The following ZNF678 variants were observed in gnomAD, a reference collection of about 807,000 sequenced individuals.
ZNF678 encodes hypothetical protein MGC42493.
A neutral mutation model predicts 3.0 loss-of-function variants in ZNF678; 5 were observed. The ratio of observed to expected loss-of-function variants is 1.69; its 90% CI spans 0.88 to 3.56. The LOEUF is 3.56. Ranked by LOEUF, ZNF678 falls within the 30% of genes most tolerant of loss-of-function variation. The pLI is 0.00. For synonymous variants in ZNF678, 218 were observed against 199.6 expected, an observed-to-expected ratio of 1.09 and a Z score of -0.78; for missense variants, 593 against 605.0, an observed-to-expected ratio of 0.98 and a Z score of 0.21.
intron 1 of ZNF678, among the ~76,000 whole-genome samples, chr1:227,564,969 C>G (rs1454821124): frequency 6.6e-6 from 1 of 151,228 alleles, no homozygotes; most frequent in African/African-American, 2.4e-5. Flanking sequence ...CTCCTGACCT[C>G]GTGATCCCCC....
chr1:227,645,405 T>G (rs1230622172), intron 1 of ZNF678, among the ~76,000 whole-genome samples: 1 of 152,226 alleles, frequency 6.6e-6, no homozygotes, highest in Non-Finnish European at 1.5e-5. Context: ...ATTTATATAT[T>G]TGTAATGTTT....
chr1:227,563,606 A>G lies in ZNF678; in HGVS notation c.-282A>G, dbSNP rs991146744. ...TTTGGTCCCGTATTCTCGGCTATTT[A>G]TCCCCAGCTGCGGGAGGCCCTGGTG... is the stretch of plus-strand genomic sequence containing the variant. On this transcript the variant is annotated 5_prime_UTR_variant, in exon 1 of 4. Transcript: ENST00000343776. 63 of 1,106,576 alleles carry G rather than the reference A, an allele frequency of 5.7e-5. No individual in the cohort carries two copies. Among genetic ancestry groups the G allele is most frequent in the Non-Finnish European group, 7.4e-5 (60 of 807,590 alleles). 68.5% of individuals were successfully genotyped at this position (1,106,576 alleles called of 1,614,324 possible). A position where few individuals can be genotyped will look rare whatever the true frequency, so the allele number is the denominator to read the frequency against.
intron 1 of ZNF678, among the ~76,000 whole-genome samples, chr1:227,565,877 C>T (rs57158394): frequency 0.22 from 32,887 of 152,216 alleles, 4,050 homozygotes; most frequent in African/African-American, 0.33. Flanking sequence ...CTGCCTCAGC[C>T]TCCCGAGTAG....
intron 1 of ZNF678, among the ~76,000 whole-genome samples, chr1:227,615,741 T>C (rs967874810): frequency 2.6e-5 from 4 of 152,226 alleles, no homozygotes; most frequent in Non-Finnish European, 2.9e-5. Context: ...CACTGACAAT[T>C]TCCATCACAG....
At chr1:227,669,020 G>GC (rs1227374592) in intron 5 of ZNF678, among the ~76,000 whole-genome samples, 1 of 151,626 alleles carries the variant, frequency 6.6e-6, no homozygotes, top group Admixed American at 6.6e-5. Flanking sequence ...TTAAGACCAA[G>GC]CCCCCAAAAG....
intron 1 of ZNF678, among the ~76,000 whole-genome samples, chr1:227,565,483 A>G (rs529194566): frequency 6.6e-5 from 10 of 152,088 alleles, no homozygotes; most frequent in African/African-American, 2.2e-4. Context: ...CAGCCTCCTG[A>G]GTGGCTAGGC....
At chr1:227,623,620 T>C (rs1020700628) in intron 1 of ZNF678, among the ~76,000 whole-genome samples, 1 of 152,244 alleles carries the variant, frequency 6.6e-6, no homozygotes, top group African/African-American at 2.4e-5. Flanking sequence ...TTTTGAGTTA[T>C]GTTCAATATT....
chr1:227,633,838 G>A (rs577931494), intron 1 of ZNF678, among the ~76,000 whole-genome samples: 26 of 152,246 alleles, frequency 1.7e-4, no homozygotes, highest in African/African-American at 6.3e-4. Flanking sequence ...GCTGAACTGG[G>A]CCCAGAGCCA....
intron 2 of ZNF678, among the ~76,000 whole-genome samples, chr1:227,649,552 G>A (rs995031633): frequency 3.9e-5 from 6 of 152,196 alleles, no homozygotes; most frequent in African/African-American, 1.2e-4. Flanking sequence ...GTTTCACCAT[G>A]TTGGCCAGGC....
chr1:227,637,677 G>A (rs1658714167), intron 1 of ZNF678, among the ~76,000 whole-genome samples: 1 of 152,206 alleles, frequency 6.6e-6, no homozygotes, highest in African/African-American at 2.4e-5. Flanking sequence ...GTAATAGGCT[G>A]TGCAGGTTTT....
chr1:227,590,321 C>T (rs3010183), intron 1 of ZNF678, among the ~76,000 whole-genome samples: 68,503 of 151,344 alleles, frequency 0.45, 16,897 homozygotes, highest in African/African-American at 0.61. Flanking sequence ...TTTCTACAGA[C>T]TTCTCTTTCA....
At chr1:227,633,920 C>T (rs1658613063) in intron 1 of ZNF678, among the ~76,000 whole-genome samples, 1 of 152,226 alleles carries the variant, frequency 6.6e-6, no homozygotes, top group Non-Finnish European at 1.5e-5. Flanking sequence ...CATCACCCCT[C>T]CCCTAACCCC....
At chr1:227,635,655 A>G (rs933014093) in intron 1 of ZNF678, among the ~76,000 whole-genome samples, 2 of 151,756 alleles carry the variant, frequency 1.3e-5, no homozygotes, top group Non-Finnish European at 2.9e-5. Flanking sequence ...CAAAGGTTTT[A>G]TGGTCTCCTG....
At chr1:227,672,939 G>A (rs1219538526) in intron 5 of ZNF678, among the ~76,000 whole-genome samples, 2 of 152,146 alleles carry the variant, frequency 1.3e-5, no homozygotes, top group East Asian at 1.9e-4. Context: ...TGTTCCATCA[G>A]CCTAGGTGAC....
intron 1 of ZNF678, among the ~76,000 whole-genome samples, chr1:227,593,141 T>C (rs553594191): frequency 3.0e-4 from 46 of 152,286 alleles, no homozygotes; most frequent in Admixed American, 8.5e-4. Context: ...GGCTGTAGAA[T>C]CCTGGAAAAG....
At chr1:227,678,866 T>C (rs756875610), downstream of ZNF678, among the ~76,000 whole-genome samples, 2 of 152,136 alleles carry the variant, frequency 1.3e-5, no homozygotes, top group Non-Finnish European at 2.9e-5. Context: ...TTAATAAGAA[T>C]GTGAAAATGG....
At chr1:227,640,417 A>G (rs749752138) in intron 1 of ZNF678, among the ~76,000 whole-genome samples, 2 of 152,016 alleles carry the variant, frequency 1.3e-5, no homozygotes, top group Non-Finnish European at 2.9e-5. Flanking sequence ...GCTGGATCTA[A>G]TGAGGAAAAA....
rs555203987 is a variant in ZNF678 at position 227,642,805 on chromosome 1, C to T, written c.-163-3739C>T. Among the ~76,000 whole-genome samples the T allele has an allele frequency of 2.0e-5, 3 of 152,122 alleles. No homozygotes were observed. In the South Asian group the frequency reaches 6.2e-4, roughly 32 times the overall value. Reference sequence around the variant, plus strand: ...AAGGCATCTGGGGTTTGTTTCTCCCCTCACAGAATGAATCTTCTTGGTTGG... The same window carrying T: ...AAGGCATCTGGGGTTTGTTTCTCCCTTCACAGAATGAATCTTCTTGGTTGG... On this transcript the variant is annotated intron_variant, in intron 1 of 3. Transcript: ENST00000343776.
intron 5 of ZNF678, among the ~76,000 whole-genome samples, chr1:227,669,747 TG>T (rs1324101335): frequency 6.6e-6 from 1 of 152,148 alleles, no homozygotes; most frequent in Non-Finnish European, 1.5e-5. Flanking sequence ...CATACCCCGT[TG>T]GTGAGAATGT....
Sources: allele counts gnomAD v4.1 joint callset (sites outside exome capture counted in the v4.1 genomes callset), GRCh38; gene constraint gnomAD v4.1.1; transcripts MANE v1.5; gene names NCBI Gene and HGNC (gene_info 2026-07-23, HGNC 2026-07-21).